DNAH11: variants seen among roughly 807,000 people sequenced by gnomAD.
DNAH11 encodes the protein axonemal beta dynein heavy chain 11.
DNAH11 carries 442 observed loss-of-function variants against 526.0 expected under a neutral mutation model. That is an observed-to-expected ratio of 0.84 (90% CI 0.78 to 0.91). The LOEUF (loss-of-function observed/expected upper bound fraction) is 0.91, where lower values mean the gene tolerates loss of function less well. Ranked by LOEUF, DNAH11 falls within the 40% of genes least tolerant of loss-of-function variation. DNAH11 has a pLI of 0.00. For synonymous variants in DNAH11, 2,461 were observed against 1,935.9 expected (o/e 1.27, Z -7.12); for missense variants, 6,989 against 5,448.7 (o/e 1.28, Z -8.90).
chr7:21,876,331 A>C (rs1783710352), intron 74 of DNAH11, among the ~76,000 whole-genome samples: 1 of 152,254 alleles, frequency 6.6e-6, no homozygotes, highest in Non-Finnish European at 1.5e-5. Flanking sequence ...AACCAACAAA[A>C]TAAAAAATGT....
intron 42 of DNAH11, among the ~76,000 whole-genome samples, chr7:21,713,705 T>G (rs1784545475): frequency 6.6e-6 from 1 of 152,112 alleles, no homozygotes; most frequent in African/African-American, 2.4e-5. Context: ...CTGATGTACT[T>G]CTCCAGGCTG....
At chr7:21,827,803 G>C (rs1310545732) in intron 65 of DNAH11, among the ~76,000 whole-genome samples, 1 of 152,048 alleles carries the variant, frequency 6.6e-6, no homozygotes. Context: ...TCTGTTCTTG[G>C]AGTTGACGCC....
At position 21,886,855 on chromosome 7, in the gene DNAH11, C is replaced by T. The variant is rs901746009; in HGVS notation, c.12507+2445C>T. ...TACCTGACCTTACATACAGATCTGG[C>T]GAGGTTTCCAGGATTGAAATGCTTC... On this transcript the variant is annotated intron_variant, in intron 76 of 81. Coordinates refer to ENST00000409508, the MANE Select transcript of DNAH11 (RefSeq NM_001277115.2). Among the ~76,000 whole-genome samples the T allele has an allele frequency of 7.2e-5, 11 of 152,208 alleles. No homozygotes were observed. The East Asian group carries it at 1.7e-3, about 24-fold the overall frequency.
chr7:21,753,124 A>G (rs1163249828), intron 54 of DNAH11, among the ~76,000 whole-genome samples: 2 of 152,196 alleles, frequency 1.3e-5, no homozygotes, highest in East Asian at 1.9e-4. Context: ...GAGGCCCTTT[A>G]GAAGAGATGC....
intron 65 of DNAH11, among the ~76,000 whole-genome samples, chr7:21,821,620 G>C (rs1179039763): frequency 6.6e-6 from 1 of 152,084 alleles, no homozygotes; most frequent in Non-Finnish European, 1.5e-5. Flanking sequence ...GGGTACATGA[G>C]ATATTTTGAT....
intron 31 of DNAH11, among the ~76,000 whole-genome samples, chr7:21,683,206 A>G (rs1783213267): frequency 6.6e-6 from 1 of 152,228 alleles, no homozygotes; most frequent in African/African-American, 2.4e-5. Flanking sequence ...ACTGATTCTC[A>G]AGAAATCCAA....
At chr7:21,635,366 C>G (rs1216648307) in intron 25 of DNAH11, among the ~76,000 whole-genome samples, 1 of 152,174 alleles carries the variant, frequency 6.6e-6, no homozygotes, top group African/African-American at 2.4e-5. Flanking sequence ...CCGTGTTAGC[C>G]AGGTTGGTCT....
intron 20 of DNAH11, among the ~76,000 whole-genome samples, chr7:21,614,894 T>A (rs999133026): frequency 6.6e-6 from 1 of 152,228 alleles, no homozygotes; most frequent in Non-Finnish European, 1.5e-5. Flanking sequence ...GGGACAGTAT[T>A]GTTGAAGTTA....
chr7:21,895,822 C>T (rs928593183), intron 79 of DNAH11, among the ~76,000 whole-genome samples: 12 of 152,134 alleles, frequency 7.9e-5, no homozygotes, highest in Non-Finnish European at 1.8e-4. Context: ...CTCTGCCTGC[C>T]GGGTTCACGC....
intron 65 of DNAH11, among the ~76,000 whole-genome samples, chr7:21,838,796 C>A (rs1028681239): frequency 6.6e-6 from 1 of 151,862 alleles, no homozygotes; most frequent in African/African-American, 2.4e-5. Context: ...GTGGCCTGAT[C>A]ACAGCTCACG....
intron 71 of DNAH11, among the ~76,000 whole-genome samples, chr7:21,867,313 C>G (rs749858756): frequency 1.6e-4 from 25 of 152,284 alleles, no homozygotes; most frequent in Non-Finnish European, 3.1e-4. Flanking sequence ...TTTGCTTTGT[C>G]TAGTTCAGCC....
chr7:21,889,562 C>T (rs951009509), intron 76 of DNAH11, among the ~76,000 whole-genome samples: 1 of 152,204 alleles, frequency 6.6e-6, no homozygotes, highest in African/African-American at 2.4e-5. Context: ...AAGACTGCTA[C>T]TGTCCACATT....
intron 47 of DNAH11, 97 bp from the exon 48 acceptor site, chr7:21,739,471 TAAG>T (rs1785774454): frequency 1.2e-6 from 1 of 804,706 alleles, no homozygotes; most frequent in Non-Finnish European, 2.0e-6. Flanking sequence ...ATTATGAAGA[TAAG>T]GAGGTAATCT....
intron 66 of DNAH11, among the ~76,000 whole-genome samples, chr7:21,846,302 C>A (rs1324425367): frequency 3.9e-5 from 6 of 152,118 alleles, no homozygotes; most frequent in Non-Finnish European, 5.9e-5. Flanking sequence ...CGTTCCTGAT[C>A]TTAGGGCAAA....
chr7:21,809,199 A>G (rs759736417), intron 63 of DNAH11, among the ~76,000 whole-genome samples: 6 of 152,156 alleles, frequency 3.9e-5, no homozygotes, highest in Non-Finnish European at 7.4e-5. Context: ...AAAAATATCT[A>G]TTCAAGAACT....
intron 15 of DNAH11, 138 bp downstream of exon 15, chr7:21,600,257 C>G: frequency 2.8e-6 from 2 of 717,970 alleles, no homozygotes; most frequent in Non-Finnish European, 4.3e-6. Flanking sequence ...CCCAAGAGTT[C>G]AAGACCAGCC....
chr7:21,814,669 T>C (rs1021484533), intron 63 of DNAH11, among the ~76,000 whole-genome samples: 1 of 152,116 alleles, frequency 6.6e-6, no homozygotes, highest in African/African-American at 2.4e-5. Context: ...ACTACAGCAT[T>C]ATGATGGCTA....
chr7:21,625,773 C>T (rs1405708912), intron 25 of DNAH11, among the ~76,000 whole-genome samples: 1 of 151,944 alleles, frequency 6.6e-6, no homozygotes, highest in Non-Finnish European at 1.5e-5. Context: ...TGTTTGGGAG[C>T]ATGTTATTAA....
Position 21,564,410 on chromosome 7 carries a change from A to C in DNAH11, c.1194+13A>C, listed in dbSNP as rs1472237118. 1 of 1,588,148 alleles carries C rather than the reference A, an allele frequency of 6.3e-7. No homozygotes were observed. The highest frequency in any genetic ancestry group is 1.7e-5 in the Admixed American group (1 of 59,164). ...CTTCATTAACCAGGTATGAAGCATC[A>C]AAAAACAGGAACAATAAGAATTGTT... On this transcript the variant is annotated intron_variant, in intron 6 of 81. Transcript: ENST00000409508.
Sources: gnomAD v4.1 joint callset for allele counts (sites outside exome capture counted in the v4.1 genomes callset) on GRCh38, gnomAD v4.1.1 for gene constraint, MANE v1.5 for transcripts, NCBI Gene and HGNC (gene_info 2026-07-23, HGNC 2026-07-21) for gene names.